The following LRMDA variants were observed in gnomAD, a reference collection of about 807,000 sequenced individuals.
LRMDA encodes leucine rich melanocyte differentiation associated.
In LRMDA, 18 loss-of-function variants were observed where a neutral mutation model predicts 29.8. That is an observed-to-expected ratio of 0.60 (90% confidence interval 0.42 to 0.90). LRMDA has a LOEUF of 0.90. LRMDA is among the 40% of genes least tolerant of loss of function. LRMDA has a pLI of 0.00. For synonymous variants in LRMDA, 125 were observed against 109.4 expected (o/e 1.14, Z -0.89); for missense variants, 273 against 273.9 (o/e 1.00, Z 0.02).
intron 2 of LRMDA, among the ~76,000 whole-genome samples, chr10:75,767,878 A>G (rs930742049): frequency 3.9e-5 from 6 of 152,216 alleles, no homozygotes; most frequent in African/African-American, 1.4e-4. Context: ...TCCTTCTGAG[A>G]GAGGCAGAGG....
intron 2 of LRMDA, among the ~76,000 whole-genome samples, chr10:75,694,222 G>A (rs1842205232): frequency 6.6e-6 from 1 of 152,154 alleles, no homozygotes; most frequent in Non-Finnish European, 1.5e-5. Flanking sequence ...TTGCATAAGT[G>A]GGTGTTTTGT....
chr10:76,160,899 G>C (rs1850635033), intron 5 of LRMDA, among the ~76,000 whole-genome samples: 1 of 152,136 alleles, frequency 6.6e-6, no homozygotes, highest in South Asian at 2.1e-4. Context: ...GTGTATCTAA[G>C]ATTTCTTTTT....
intron 2 of LRMDA, among the ~76,000 whole-genome samples, chr10:75,562,083 C>G (rs1045500718): frequency 1.3e-5 from 2 of 151,860 alleles, no homozygotes; most frequent in Non-Finnish European, 2.9e-5. Context: ...TCCTGGGTAT[C>G]CTTGTTAACT....
At chr10:75,638,585 A>G (rs1362012418) in intron 2 of LRMDA, among the ~76,000 whole-genome samples, 3 of 152,156 alleles carry the variant, frequency 2.0e-5, no homozygotes, top group Admixed American at 6.5e-5. Flanking sequence ...GATGTCCAGC[A>G]TATATTTTGC....
At chr10:75,804,672 C>T (rs778658770) in intron 2 of LRMDA, among the ~76,000 whole-genome samples, 41 of 152,294 alleles carry the variant, frequency 2.7e-4, no homozygotes, top group Admixed American at 3.3e-4. Context: ...AGGCCTGGGC[C>T]GTGGGGCTTG....
At chr10:75,643,118 C>A (rs1213993935) in intron 2 of LRMDA, 1 of 152,002 alleles carries the variant, frequency 6.6e-6, no homozygotes, top group African/African-American at 2.4e-5. Flanking sequence ...TTTTTTTTGA[C>A]AATTTCTCTT....
intron 2 of LRMDA, among the ~76,000 whole-genome samples, chr10:75,737,288 G>A (rs571096593): frequency 4.6e-5 from 7 of 152,214 alleles, no homozygotes; most frequent in Non-Finnish European, 8.8e-5. Flanking sequence ...TCTCAGTAAA[G>A]TAAGGAATGC....
Position 76,324,426 on chromosome 10 carries a change from C to A in LRMDA, c.542C>A (p.Ser181Tyr), listed in dbSNP as rs35349706. Reference sequence around the variant, plus strand: ...GCTTCTAGTGAGGACGTTGCCAGCTCCCCGGAGCGCCACTACACGCCCTTG... The same window carrying A: ...GCTTCTAGTGAGGACGTTGCCAGCTACCCGGAGCGCCACTACACGCCCTTG... ...PKASSEDVASSPERHYTPLPS... is the reference protein window; with the variant it reads ...PKASSEDVASYPERHYTPLPS... The change falls in exon 6 of 7, where the codon TCC becomes TAC. Residue 181 changes from serine (S) to tyrosine (Y), a missense_variant. Coordinates refer to ENST00000611255, the MANE Select transcript of LRMDA (RefSeq NM_001305581.2). 1.2e-5 allele frequency: 19 copies of A among 1,613,928 alleles called. No individual in the cohort carries two copies. The highest frequency in any genetic ancestry group is 1.6e-5 in the Non-Finnish European group (19 of 1,180,024).
chr10:76,131,893 A>G (rs1849999875), intron 5 of LRMDA, among the ~76,000 whole-genome samples: 1 of 152,218 alleles, frequency 6.6e-6, no homozygotes, highest in Non-Finnish European at 1.5e-5. Context: ...TGCTTAGAAC[A>G]TGATAGGTAT....
At chr10:76,527,572 C>G (rs181223573) in intron 6 of LRMDA, among the ~76,000 whole-genome samples, 3 of 152,076 alleles carry the variant, frequency 2.0e-5, no homozygotes, top group Admixed American at 6.6e-5. Context: ...GATTTAACAT[C>G]TTTTTGCCTT....
chr10:75,699,200 C>CAAAA (rs140938454), intron 2 of LRMDA, among the ~76,000 whole-genome samples: 1 of 107,480 alleles, frequency 9.3e-6, no homozygotes. Flanking sequence ...GACTTGGTCT[C>CAAAA]AAAAAAAAAA....
intron 6 of LRMDA, among the ~76,000 whole-genome samples, chr10:76,415,787 G>T (rs1331453604): frequency 6.6e-6 from 1 of 152,100 alleles, no homozygotes; most frequent in Non-Finnish European, 1.5e-5. Context: ...GCCCATCATA[G>T]CTCAGCCTGC....
chr10:75,865,264 G>A (rs4746336), intron 2 of LRMDA, among the ~76,000 whole-genome samples: 57,137 of 151,978 alleles, frequency 0.38, 12,457 homozygotes, highest in South Asian at 0.52. Context: ...GTTTGTTCTG[G>A]AGAGAGCCAC....
At chr10:75,878,803 C>T (rs1175991139) in intron 2 of LRMDA, among the ~76,000 whole-genome samples, 1 of 152,000 alleles carries the variant, frequency 6.6e-6, no homozygotes, top group Non-Finnish European at 1.5e-5. Flanking sequence ...GCTTCCAGGG[C>T]CCCAGGTGTT....
At chr10:75,521,653 C>T (rs141155924) in intron 2 of LRMDA, among the ~76,000 whole-genome samples, 177 of 152,348 alleles carry the variant, frequency 1.2e-3, no homozygotes, top group African/African-American at 4.1e-3. Flanking sequence ...TCCCCTGACC[C>T]TTTGCACTTC....
chr10:75,805,973 A>T (rs1180396870), intron 2 of LRMDA, among the ~76,000 whole-genome samples: 1 of 152,154 alleles, frequency 6.6e-6, no homozygotes, highest in African/African-American at 2.4e-5. Flanking sequence ...ATGGTTCTGC[A>T]GGCTGTACAA....
chr10:76,037,257 G>T (rs1045593025), intron 3 of LRMDA, among the ~76,000 whole-genome samples: 1 of 152,176 alleles, frequency 6.6e-6, no homozygotes, highest in East Asian at 1.9e-4. Context: ...CAGACTCAGT[G>T]GTCCAATGGC....
At chr10:76,526,904 G>A (rs1053992200) in intron 6 of LRMDA, among the ~76,000 whole-genome samples, 4 of 150,492 alleles carry the variant, frequency 2.7e-5, no homozygotes, top group African/African-American at 4.9e-5. Flanking sequence ...TGGGTGCAGC[G>A]CACCAGCATG....
intron 2 of LRMDA, among the ~76,000 whole-genome samples, chr10:75,689,084 G>T (rs1842115189): frequency 6.6e-6 from 1 of 151,792 alleles, no homozygotes; most frequent in African/African-American, 2.4e-5. Context: ...TTGCTTTACT[G>T]TGGTGGTTTG....
Sources: allele counts gnomAD v4.1 joint callset (sites outside exome capture counted in the v4.1 genomes callset), GRCh38; gene constraint gnomAD v4.1.1; transcripts MANE v1.5; gene names NCBI Gene and HGNC (gene_info 2026-07-23, HGNC 2026-07-21).